The following CD109 variants were observed in gnomAD, a reference collection of about 807,000 sequenced individuals.
CD109 encodes the protein CD109 molecule.
In CD109, 149 loss-of-function variants were observed where a neutral mutation model predicts 165.8. The observed-to-expected ratio is 0.90, with a 90% CI of 0.79 to 1.03. The LOEUF is 1.03. Ranked by LOEUF, CD109 falls within the 50% of genes least tolerant of loss-of-function variation. CD109 has a pLI of 0.00. For missense variants in CD109, 1,712 were observed against 1,677.8 expected (o/e 1.02, Z -0.36); for synonymous variants, 585 against 592.1 (o/e 0.99, Z 0.18).
At chr6:73,766,906 CT>C in intron 12 of CD109, 41 bp from the exon 13 acceptor site, 1 of 1,608,874 alleles carries the variant, frequency 6.2e-7, no homozygotes, top group Non-Finnish European at 8.5e-7. Context: ...ATTGGACTAT[CT>C]TGCTTTTGAT....
At position 73,823,488 on chromosome 6, in the gene CD109, A is replaced by C; in HGVS notation, c.4193A>C (p.Glu1398Ala). Residue 1398 changes from glutamate to alanine, a missense_variant, in exon 33 of 33, where the codon GAA becomes GCA. Transcript: ENST00000287097. ...CAGGCGGTGAGAAGTTACAACTCTG[A>C]AGTGAAGCTGTCCTCCTGTGACCTT... ...RRQAVRSYNS[E>A]VKLSSCDLCS... 6.2e-7 allele frequency: 1 copy of C among 1,613,212 alleles called. No individual in the cohort carries two copies.
At chr6:73,735,480 G>A (rs1772508339) in intron 4 of CD109, among the ~76,000 whole-genome samples, 1 of 152,018 alleles carries the variant, frequency 6.6e-6, no homozygotes, top group Non-Finnish European at 1.5e-5. Context: ...TGTGAGGATG[G>A]AAAGAAGGAG....
At chr6:73,715,939 C>T (rs552239381) in intron 2 of CD109, among the ~76,000 whole-genome samples, 8 of 152,288 alleles carry the variant, frequency 5.3e-5, no homozygotes, top group African/African-American at 1.4e-4. Flanking sequence ...TCTCCCTAGC[C>T]TCTGGTAACC....
intron 21 of CD109, among the ~76,000 whole-genome samples, chr6:73,788,181 AGG>A (rs1273422800): frequency 1.3e-5 from 2 of 152,222 alleles, no homozygotes; most frequent in African/African-American, 4.8e-5. Flanking sequence ...CAGTTAATGA[AGG>A]GTACTGTACT....
Position 73,790,099 on chromosome 6 carries a change from C to CTTTTTTTTTT in CD109, c.2701+1491_2701+1500dup, listed in dbSNP as rs56024477. Among the ~76,000 whole-genome samples the CTTTTTTTTTT allele has an allele frequency of 6.2e-5, 8 of 130,058 alleles. 1 individual carries two copies. The highest frequency in any genetic ancestry group is 1.5e-4 in the African/African-American group (5 of 33,044). The allele number at this position is 130,058 out of a possible 152,430, so 85.3% of individuals were successfully genotyped here. A position where few individuals can be genotyped will look rare whatever the true frequency, so the allele number is the denominator to read the frequency against. The stretch of plus-strand genomic sequence containing the variant: ...AACTATATTTACCATGCTAAAAGTC[C>CTTTTTTTTTT]TTTTTTTTTTTTTGAGATGGAGTCT... On this transcript the variant is annotated intron_variant, in intron 22 of 32. Coordinates refer to ENST00000287097, the MANE Select transcript of CD109 (RefSeq NM_133493.5).
intron 5 of CD109, among the ~76,000 whole-genome samples, chr6:73,741,502 A>G (rs1414890071): frequency 6.6e-6 from 1 of 152,226 alleles, no homozygotes; most frequent in African/African-American, 2.4e-5. Flanking sequence ...TTCTGATTTA[A>G]TAATTGACTT....
intron 7 of CD109, among the ~76,000 whole-genome samples, chr6:73,761,014 AACACACACACAC>A (rs577598100): frequency 0.054 from 6,720 of 124,358 alleles, 187 homozygotes; most frequent in Admixed American, 0.062. Context: ...ACTGTGTCTA[AACACACACACAC>A]ACACACACAC....
chr6:73,767,340 G>A (rs1773890651), intron 13 of CD109, among the ~76,000 whole-genome samples: 1 of 152,106 alleles, frequency 6.6e-6, no homozygotes, highest in Non-Finnish European at 1.5e-5. Flanking sequence ...AGTTTGCTAA[G>A]GATAGTGGCC....
At chr6:73,716,792 A>G (rs12530058) in intron 2 of CD109, among the ~76,000 whole-genome samples, 8,683 of 152,198 alleles carry the variant, frequency 0.057, 280 homozygotes, top group Middle Eastern at 0.1. Flanking sequence ...ACGTGATCCC[A>G]TTTGTCGATT....
At chr6:73,684,296 T>C in the CD109 span, among the ~76,000 whole-genome samples, 2 of 151,504 alleles carry the variant, frequency 1.3e-5, no homozygotes, top group East Asian at 3.9e-4. Flanking sequence ...CTTGGCTCAT[T>C]GCAAGCTTGG....
intron 2 of CD109, among the ~76,000 whole-genome samples, chr6:73,698,458 T>C (rs763406883): frequency 6.6e-6 from 1 of 152,056 alleles, no homozygotes; most frequent in Admixed American, 6.5e-5. Context: ...GTGCTGGGAT[T>C]ACAGTCCTAA....
upstream of CD109, chr6:73,694,799 A>C (rs1212561594): frequency 1.3e-5 from 2 of 152,256 alleles, no homozygotes; most frequent in Non-Finnish European, 2.9e-5. Context: ...TCCTCTCTGA[A>C]CAACGGAGGT....
chr6:73,823,749 T>C lies in CD109; in HGVS notation c.*116T>C. On this transcript the variant is annotated 3_prime_UTR_variant, in exon 33 of 33. Coordinates refer to ENST00000287097, the MANE Select transcript of CD109 (RefSeq NM_133493.5). ...GAAAAAAGAGTTTTTTTTCTTTCTATGGGGTTGCAGGGATGGTGTACAACA... is the reference window on the plus strand; with the variant it reads ...GAAAAAAGAGTTTTTTTTCTTTCTACGGGGTTGCAGGGATGGTGTACAACA... The C allele has an allele frequency of 6.2e-6, 6 of 974,966 alleles. No individual in the cohort carries two copies. Among genetic ancestry groups the C allele is most frequent in the South Asian group, 1.7e-5 (1 of 60,084 alleles). The allele number at this position is 974,966 out of a possible 1,614,324, so 60.4% of individuals were successfully genotyped here. A position where few individuals can be genotyped will look rare whatever the true frequency, so the allele number is the denominator to read the frequency against.
In CD109 at chr6:73,810,055, G is replaced by T. The variant is rs1315573173; in HGVS notation, c.3427G>T (p.Glu1143Ter). Residue 1143 changes from glutamate to a stop codon, truncating the protein, a stop_gained, in exon 27 of 33, where the codon GAA becomes TAA. Coordinates refer to ENST00000287097, the MANE Select transcript of CD109 (RefSeq NM_133493.5). LOFTEE classifies it high-confidence loss of function. ...DSWQPRSLDI[E>*]VAAYALLSHF... ...CTGGCAGCCACGCTCCCTGGATATTGAAGTTGCAGCCTATGCACTGCTCTC... is the reference window on the plus strand; with the variant it reads ...CTGGCAGCCACGCTCCCTGGATATTTAAGTTGCAGCCTATGCACTGCTCTC... 6.2e-7 allele frequency: 1 copy of T among 1,607,410 alleles called. No homozygotes were observed. Among genetic ancestry groups the T allele is most frequent in the African/African-American group, 1.3e-5 (1 of 74,504 alleles).
chr6:73,702,012 A>G (rs1771101321), intron 2 of CD109, among the ~76,000 whole-genome samples: 1 of 152,220 alleles, frequency 6.6e-6, no homozygotes, highest in African/African-American at 2.4e-5. Context: ...GGGCGTCTCC[A>G]GGTGAGTGCC....
At position 73,736,817 on chromosome 6, in the gene CD109, A is replaced by G. The variant is rs573450850; in HGVS notation, c.633+309A>G. On this transcript the variant is annotated intron_variant, in intron 5 of 32. Transcript: ENST00000287097. ...TGCATTATTTTAAAACTAAGTAATG[A>G]ACACATAGCTATTATTTGGCAAATT... 3.3e-5 allele frequency among the ~76,000 whole-genome samples: 5 copies of G among 152,364 alleles called. No individual in the cohort carries two copies. The South Asian group carries it at 1.0e-3, about 32-fold the overall frequency.
At position 73,766,692 on chromosome 6, in the gene CD109, A is replaced by G. The variant is rs1003217758; in HGVS notation, c.1333-67A>G. 3.6e-6 allele frequency: 4 copies of G among 1,107,922 alleles called. No homozygotes were observed. The African/African-American group carries it at 6.3e-5, about 18-fold the overall frequency. The allele number at this position is 1,107,922 out of a possible 1,614,324, so 68.6% of individuals were successfully genotyped here. ...ATTTGGTCTTTAATAATTGTTCAGC[A>G]GGTAACATCTTTTCTCAAGGTGTTA... On this transcript the variant is annotated intron_variant, in intron 11 of 32. Transcript: ENST00000287097.
chr6:73,717,159 A>G (rs1041464894), intron 2 of CD109, among the ~76,000 whole-genome samples: 8 of 149,520 alleles, frequency 5.4e-5, no homozygotes, highest in Admixed American at 1.3e-4. Context: ...TGCCAATATC[A>G]TACTGTTTTG....
chr6:73,736,326 G>T, intron 4 of CD109, 57 bp from the exon 5 acceptor site: 2 of 1,590,274 alleles, frequency 1.3e-6, no homozygotes, highest in South Asian at 1.1e-5. Context: ...TAACCTGATA[G>T]GATACACATG....
Sources: gnomAD v4.1 joint callset for allele counts (sites outside exome capture counted in the v4.1 genomes callset) on GRCh38, gnomAD v4.1.1 for gene constraint, MANE v1.5 for transcripts, NCBI Gene and HGNC (gene_info 2026-07-23, HGNC 2026-07-21) for gene names.